The following QTMAN variants were observed in gnomAD, a reference collection of about 807,000 sequenced individuals.
QTMAN encodes the protein queuosine-tRNA mannosyltransferase, also known as tRNA-queuosine alpha-mannosyltransferase.
At chr2:143,972,971 A>G in the QTMAN span, among the ~76,000 whole-genome samples, 1 of 152,244 alleles carries the variant, frequency 6.6e-6, no homozygotes, top group Non-Finnish European at 1.5e-5. Context: ...TGGTAAAAAC[A>G]GAAGCAAACG....
At chr2:144,111,175 G>A in the QTMAN span, among the ~76,000 whole-genome samples, 1 of 152,054 alleles carries the variant, frequency 6.6e-6, no homozygotes, top group African/African-American at 2.4e-5. Flanking sequence ...CCAAAACCAC[G>A]GCAGGCCCAT....
chr2:144,081,715 G>A, the QTMAN span, among the ~76,000 whole-genome samples: 1 of 152,138 alleles, frequency 6.6e-6, no homozygotes, highest in Non-Finnish European at 1.5e-5. Context: ...GACAGCTACT[G>A]TTGGGAATCT....
At chr2:143,944,437 A>C in the QTMAN span, 1 of 151,868 alleles carries the variant, frequency 6.6e-6, no homozygotes, top group Non-Finnish European at 1.5e-5. Context: ...ATTTATTTTA[A>C]ATTTATTTAT....
the QTMAN span, among the ~76,000 whole-genome samples, chr2:144,245,369 C>T: frequency 4.0e-4 from 61 of 152,258 alleles, no homozygotes; most frequent in East Asian, 0.01. Flanking sequence ...AGTGATCATT[C>T]ATCTTGGTGA....
chr2:144,160,134 A>C, the QTMAN span, among the ~76,000 whole-genome samples: 1 of 152,114 alleles, frequency 6.6e-6, no homozygotes, highest in African/African-American at 2.4e-5. Flanking sequence ...AGGCACTAAA[A>C]ATGTACCTTC....
the QTMAN span, among the ~76,000 whole-genome samples, chr2:143,990,513 T>C: frequency 6.6e-6 from 1 of 152,136 alleles, no homozygotes; most frequent in Non-Finnish European, 1.5e-5. Context: ...GAATGGGGCA[T>C]CAGTAGGATG....
chr2:143,989,516 A>T, the QTMAN span, among the ~76,000 whole-genome samples: 2 of 152,144 alleles, frequency 1.3e-5, no homozygotes, highest in African/African-American at 4.8e-5. Flanking sequence ...GTGGTCCTTA[A>T]AGAATGAGGA....
chr2:144,030,886 C>A, the QTMAN span, among the ~76,000 whole-genome samples: 3 of 152,064 alleles, frequency 2.0e-5, no homozygotes, highest in Non-Finnish European at 2.9e-5. Flanking sequence ...AGAAAAGAAA[C>A]CTCATGGAAC....
the QTMAN span, among the ~76,000 whole-genome samples, chr2:144,256,898 G>C: frequency 1.1e-4 from 17 of 151,772 alleles, no homozygotes; most frequent in Non-Finnish European, 2.4e-4. Context: ...TCTTTAAAAG[G>C]AGTTGCCAAG....
At chr2:144,027,244 G>A in the QTMAN span, among the ~76,000 whole-genome samples, 13 of 152,272 alleles carry the variant, frequency 8.5e-5, no homozygotes, top group Non-Finnish European at 1.5e-5. Context: ...AGATATAAGG[G>A]CCTTAGAAAA....
At chr2:144,084,921 A>C in the QTMAN span, among the ~76,000 whole-genome samples, 1 of 152,206 alleles carries the variant, frequency 6.6e-6, no homozygotes, top group Non-Finnish European at 1.5e-5. Flanking sequence ...TTAAACATTC[A>C]GATTCTCAGG....
the QTMAN span, among the ~76,000 whole-genome samples, chr2:144,029,082 T>C: frequency 6.6e-6 from 1 of 152,212 alleles, no homozygotes; most frequent in African/African-American, 2.4e-5. Context: ...GCTGAGCCTT[T>C]TATTTTTCAC....
the QTMAN span, chr2:143,952,922 T>C: frequency 1.2e-6 from 1 of 847,748 alleles, no homozygotes; most frequent in Non-Finnish European, 2.0e-6. Flanking sequence ...TTTGTTTGCC[T>C]AAGTTAACTG....
chr2:144,123,673 A>G, the QTMAN span, among the ~76,000 whole-genome samples: 1 of 152,106 alleles, frequency 6.6e-6, no homozygotes, highest in Non-Finnish European at 1.5e-5. Context: ...GAATATAAGG[A>G]AAACCAACTT....
At chr2:144,157,222 C>T in the QTMAN span, among the ~76,000 whole-genome samples, 2 of 152,004 alleles carry the variant, frequency 1.3e-5, no homozygotes, top group African/African-American at 4.8e-5. Flanking sequence ...AGTACTTGAA[C>T]TTTTGGTATA....
chr2:144,043,227 TTGTGTG>T, the QTMAN span, among the ~76,000 whole-genome samples: 11 of 148,690 alleles, frequency 7.4e-5, no homozygotes, highest in Non-Finnish European at 1.0e-4. Context: ...ATGTGTGAAT[TTGTGTG>T]TGTGTGTGTG....
chr2:144,128,815 G>A, the QTMAN span, among the ~76,000 whole-genome samples: 251 of 152,092 alleles, frequency 1.7e-3, 13 homozygotes, highest in South Asian at 0.049. Context: ...AAACTGAAAA[G>A]AGAATGAACC....
chr2:144,316,005 C>A, the QTMAN span, among the ~76,000 whole-genome samples: 3 of 152,178 alleles, frequency 2.0e-5, no homozygotes, highest in Admixed American at 1.3e-4. Flanking sequence ...CATCTGACTC[C>A]AACACCCTAC....
At chr2:143,981,833 T>G in the QTMAN span, among the ~76,000 whole-genome samples, 1 of 151,794 alleles carries the variant, frequency 6.6e-6, no homozygotes, top group African/African-American at 2.4e-5. Flanking sequence ...TGTTGCTACA[T>G]ATGTTGTATT....
Sources: allele counts gnomAD v4.1 joint callset (sites outside exome capture counted in the v4.1 genomes callset), GRCh38; gene constraint gnomAD v4.1.1; transcripts MANE v1.5; gene names NCBI Gene and HGNC (gene_info 2026-07-23, HGNC 2026-07-21).